The following HHAT variants were observed in gnomAD, a reference collection of about 807,000 sequenced individuals.
HHAT encodes hedgehog acyltransferase.
Under a neutral mutation model 70.8 loss-of-function variants are expected in HHAT, and 47 were observed. The ratio of observed to expected loss-of-function variants is 0.66; its 90% CI spans 0.53 to 0.85. The LOEUF (loss-of-function observed/expected upper bound fraction) is 0.85. HHAT is among the 40% of genes least tolerant of loss of function. The pLI is 0.00. For missense variants in HHAT, 609 were observed against 604.8 expected (o/e 1.01, Z -0.07); for synonymous variants, 228 against 247.6 (o/e 0.92, Z 0.74).
rs377452205 is a variant in HHAT at position 210,337,962 on chromosome 1, A to C, written c.-44+8858A>C. On this transcript the variant is annotated intron_variant, in intron 1 of 11. Transcript: ENST00000261458. ...ATTATTTGAGTGCAGTTTCTGAAAG[A>C]AAAGTGATGGTCTTGTCCTCCTCTC... is the stretch of plus-strand genomic sequence containing the variant. Among the ~76,000 whole-genome samples, 38 of 152,350 alleles carry C rather than the reference A, an allele frequency of 2.5e-4. No individual in the cohort carries two copies. The East Asian group carries it at 2.9e-3, about 12-fold the overall frequency.
intron 2 of HHAT, among the ~76,000 whole-genome samples, chr1:210,361,467 A>G (rs765902078): frequency 1.3e-5 from 2 of 151,820 alleles, no homozygotes; most frequent in Non-Finnish European, 2.9e-5. Context: ...TGCGGTGTGT[A>G]CCCTGGGCCG....
chr1:210,423,262 T>C (rs1439498531), intron 7 of HHAT, among the ~76,000 whole-genome samples: 1 of 152,206 alleles, frequency 6.6e-6, no homozygotes, highest in Non-Finnish European at 1.5e-5. Context: ...ATAATAGTCA[T>C]CCTAACTCTG....
chr1:210,365,612 C>T (rs1345994123), intron 3 of HHAT, among the ~76,000 whole-genome samples: 1 of 151,406 alleles, frequency 6.6e-6, no homozygotes, highest in East Asian at 2.0e-4. Flanking sequence ...GCCACCATGC[C>T]TGGCTGACAT....
chr1:210,481,380 A>G (rs2094394084), intron 8 of HHAT, among the ~76,000 whole-genome samples: 2 of 150,406 alleles, frequency 1.3e-5, no homozygotes, highest in African/African-American at 4.8e-5. Context: ...CAACAGCACC[A>G]TAACTTGTGC....
intron 7 of HHAT, among the ~76,000 whole-genome samples, chr1:210,447,303 C>T (rs933990988): frequency 9.2e-5 from 14 of 152,334 alleles, no homozygotes; most frequent in South Asian, 2.1e-4. Flanking sequence ...GACATTATCT[C>T]TACTGGTTTA....
chr1:210,587,253 G>T (rs1184532961), intron 9 of HHAT, among the ~76,000 whole-genome samples: 1 of 152,146 alleles, frequency 6.6e-6, no homozygotes, highest in Non-Finnish European at 1.5e-5. Context: ...ACATGGCTGG[G>T]GAGGCCTCAC....
At chr1:210,634,773 G>A (rs748003518) in intron 11 of HHAT, among the ~76,000 whole-genome samples, 18 of 152,178 alleles carry the variant, frequency 1.2e-4, no homozygotes, top group Non-Finnish European at 2.5e-4. Context: ...TAAGATTGCT[G>A]GAGGGTTGGC....
At chr1:210,557,630 A>G (rs1292484227) in intron 9 of HHAT, among the ~76,000 whole-genome samples, 3 of 152,158 alleles carry the variant, frequency 2.0e-5, no homozygotes, top group East Asian at 3.8e-4. Context: ...TTCTTACATG[A>G]CGGCAGCAAG....
chr1:210,440,684 G>A (rs900659021), intron 7 of HHAT, among the ~76,000 whole-genome samples: 1 of 151,766 alleles, frequency 6.6e-6, no homozygotes, highest in African/African-American at 2.4e-5. Context: ...TTCTTTCCAG[G>A]TGACTCCAGA....
intron 1 of HHAT, among the ~76,000 whole-genome samples, chr1:210,348,656 C>A (rs1339601307): frequency 6.6e-6 from 1 of 151,862 alleles, no homozygotes; most frequent in African/African-American, 2.4e-5. Flanking sequence ...GATGTATACT[C>A]TGATGGGAGA....
rs201876519 is a variant in HHAT at position 210,666,098 on chromosome 1, AGTAGGAT to A, written c.1391-8187_1391-8181del. On this transcript the variant is annotated intron_variant, in intron 11 of 11. Coordinates refer to ENST00000261458, the MANE Select transcript of HHAT (RefSeq NM_018194.6). ...CCATTGTCTTCTAAAAATGGGTACCAGTAGGATGTGGTCTTTGAAACAGCCCTGTTAG... is the reference window on the plus strand; with the variant it reads ...CCATTGTCTTCTAAAAATGGGTACCAGTGGTCTTTGAAACAGCCCTGTTAG... Among the ~76,000 whole-genome samples the A allele has an allele frequency of 1.9e-3, 291 of 152,332 alleles. 4 individuals are homozygous for A. Among genetic ancestry groups the A allele is most frequent in the East Asian group, 0.018 (91 of 5,190 alleles).
intron 9 of HHAT, among the ~76,000 whole-genome samples, chr1:210,554,979 AG>A (rs2095559302): frequency 6.6e-6 from 1 of 152,098 alleles, no homozygotes; most frequent in South Asian, 2.1e-4. Flanking sequence ...CACCAGATAA[AG>A]GGGGTCCCAG....
chr1:210,432,205 T>C (rs1048390600), intron 7 of HHAT, among the ~76,000 whole-genome samples: 1 of 151,748 alleles, frequency 6.6e-6, no homozygotes, highest in Non-Finnish European at 1.5e-5. Flanking sequence ...ACACATGTGA[T>C]AACTGAGGCC....
upstream of HHAT, among the ~76,000 whole-genome samples, chr1:210,328,640 A>C (rs1403826744): frequency 6.6e-6 from 1 of 152,222 alleles, no homozygotes; most frequent in Non-Finnish European, 1.5e-5. Flanking sequence ...CTCGAGTTTC[A>C]GGTGACTTCC....
intron 3 of HHAT, among the ~76,000 whole-genome samples, chr1:210,376,428 G>T (rs547292484): frequency 1.3e-5 from 2 of 152,158 alleles, no homozygotes; most frequent in Non-Finnish European, 2.9e-5. Context: ...GGATAAATGT[G>T]TGTACTATAT....
Position 210,587,994 on chromosome 1 carries a change from C to T in HHAT, c.1140C>T (p.Gly380=), listed in dbSNP as rs139136517. 17 of 1,614,060 alleles carry T rather than the reference C, an allele frequency of 1.1e-5. No homozygotes were observed. The highest frequency in any genetic ancestry group is 8.9e-5 in the East Asian group (4 of 44,860). ...TTGCATTTGTGAGCTACTGGCATGGCGGCTACGACTACCTCTGGTGCTGGG... is the reference window on the plus strand; with the variant it reads ...TTGCATTTGTGAGCTACTGGCATGGTGGCTACGACTACCTCTGGTGCTGGG... ...MTFAFVSYWH[G]GYDYLWCWAA... The change falls in exon 10 of 12, where the codon GGC becomes GGT. Residue 380 remains glycine (G), a synonymous_variant. Transcript: ENST00000261458.
At chr1:210,647,204 A>G (rs1366241950) in intron 11 of HHAT, among the ~76,000 whole-genome samples, 1 of 152,104 alleles carries the variant, frequency 6.6e-6, no homozygotes, top group Non-Finnish European at 1.5e-5. Flanking sequence ...CATCACTCCT[A>G]TCTGTCTCCT....
intron 7 of HHAT, among the ~76,000 whole-genome samples, chr1:210,423,224 A>G (rs1394891912): frequency 6.6e-6 from 1 of 151,956 alleles, no homozygotes; most frequent in Non-Finnish European, 1.5e-5. Flanking sequence ...CATCCTCATC[A>G]CCATTTGTTA....
At chr1:210,635,005 T>C (rs539314103) in intron 11 of HHAT, among the ~76,000 whole-genome samples, 7 of 152,298 alleles carry the variant, frequency 4.6e-5, no homozygotes, top group Admixed American at 4.6e-4. Flanking sequence ...TGCTTTGATA[T>C]ATGCATTGAG....
Sources: gnomAD v4.1 joint callset for allele counts (sites outside exome capture counted in the v4.1 genomes callset) on GRCh38, gnomAD v4.1.1 for gene constraint, MANE v1.5 for transcripts, NCBI Gene and HGNC (gene_info 2026-07-23, HGNC 2026-07-21) for gene names.